PARD3B: variants seen among roughly 807,000 people sequenced by gnomAD.
PARD3B encodes the protein partitioning defective 3 homolog B.
Under a neutral mutation model 130.2 loss-of-function variants are expected in PARD3B, and 103 were observed. The ratio of observed to expected loss-of-function variants is 0.79; its 90% CI spans 0.67 to 0.93. The LOEUF is 0.93. Ranked by LOEUF, PARD3B falls within the 40% of genes least tolerant of loss-of-function variation. The pLI, the probability that PARD3B is intolerant of heterozygous loss-of-function variation, is 0.00. For synonymous variants in PARD3B, 583 were observed against 553.2 expected, an observed-to-expected ratio of 1.05 and a Z score of -0.76; for missense variants, 1,609 against 1,499.2, an observed-to-expected ratio of 1.07 and a Z score of -1.21.
At chr2:205,567,504 A>G (rs1290882937) in intron 22 of PARD3B, among the ~76,000 whole-genome samples, 1 of 39,654 alleles carries the variant, frequency 2.5e-5, no homozygotes, top group African/African-American at 8.9e-5. Context: ...TTGTATTTTT[A>G]GTGGAGACAG....
chr2:205,378,196 C>T (rs1410078552), intron 18 of PARD3B, among the ~76,000 whole-genome samples: 1 of 152,202 alleles, frequency 6.6e-6, no homozygotes, highest in Admixed American at 6.5e-5. Context: ...GTCCACCACC[C>T]TCTCACAGTT....
rs916200576 is a variant in PARD3B, at chr2:205,590,704, C to G, written c.3261-24752C>G. On this transcript the variant is annotated intron_variant, in intron 22 of 22. Transcript: ENST00000406610. This position sits in a 1 kb window ranked among gnomAD's most constrained non-coding sequence, Gnocchi z 4.1. ...CAGCAACTTTCTTCCACTGTCTCAA[C>G]TCGGATCACAAGGGAAGAAGGAAAG... 1.3e-5 allele frequency among the ~76,000 whole-genome samples: 2 copies of G among 152,098 alleles called. No homozygotes were observed. The highest frequency in any genetic ancestry group is 2.4e-5 in the African/African-American group (1 of 41,414).
chr2:205,037,973 G>A (rs1698128548), intron 3 of PARD3B, among the ~76,000 whole-genome samples: 1 of 152,072 alleles, frequency 6.6e-6, no homozygotes, highest in Non-Finnish European at 1.5e-5. Flanking sequence ...ATCTGCATCT[G>A]GGCATTCCAA....
chr2:205,303,378 G>A (rs1471318781), intron 18 of PARD3B, among the ~76,000 whole-genome samples: 3 of 152,230 alleles, frequency 2.0e-5, no homozygotes, highest in Admixed American at 1.3e-4. Flanking sequence ...AGTCACTAAT[G>A]TAGGTGATTT....
chr2:205,419,724 G>A (rs1393613885), intron 19 of PARD3B, among the ~76,000 whole-genome samples: 2 of 152,316 alleles, frequency 1.3e-5, no homozygotes, highest in East Asian at 3.9e-4. Context: ...GGAAAGGGGA[G>A]AATCAGGAAG....
intron 18 of PARD3B, among the ~76,000 whole-genome samples, chr2:205,383,757 T>C (rs2045565652): frequency 1.3e-5 from 2 of 152,044 alleles, no homozygotes; most frequent in African/African-American, 4.8e-5. Context: ...CTGGTTTCCA[T>C]CTCTGTGGTT....
At position 204,907,626 on chromosome 2, in the gene PARD3B, C is replaced by G. The variant is rs2047083647; in HGVS notation, c.223-57526C>G. On this transcript the variant is annotated intron_variant, in intron 2 of 22. Coordinates refer to ENST00000406610, the MANE Select transcript of PARD3B (RefSeq NM_001302769.2). This position sits in a 1 kb window ranked among gnomAD's most constrained non-coding sequence, Gnocchi z 5.7. ...TCAGTGTTTGGTCATAAAATTGTGTCTCTTTATAGATATTATAAGACTTTC... is the reference window on the plus strand; with the variant it reads ...TCAGTGTTTGGTCATAAAATTGTGTGTCTTTATAGATATTATAAGACTTTC... Among the ~76,000 whole-genome samples, 1 of 152,056 alleles carries G rather than the reference C, an allele frequency of 6.6e-6. No individual in the cohort carries two copies. Among genetic ancestry groups the G allele is most frequent in the Non-Finnish European group, 1.5e-5 (1 of 68,016 alleles).
intron 10 of PARD3B, among the ~76,000 whole-genome samples, chr2:205,133,415 T>G (rs2032193025): frequency 6.6e-6 from 1 of 152,196 alleles, no homozygotes; most frequent in African/African-American, 2.4e-5. Context: ...GCATGCAGAT[T>G]GCCAGGCTCC....
intron 1 of PARD3B, among the ~76,000 whole-genome samples, chr2:204,644,854 C>A (rs1011698713): frequency 1.3e-5 from 2 of 151,968 alleles, no homozygotes; most frequent in African/African-American, 4.8e-5. Flanking sequence ...AAAATTCCTC[C>A]CCAGAGAGCT....
intron 15 of PARD3B, among the ~76,000 whole-genome samples, chr2:205,224,838 A>C (rs1222571229): frequency 6.6e-6 from 1 of 152,060 alleles, no homozygotes; most frequent in Non-Finnish European, 1.5e-5. Flanking sequence ...AAAAAGAAAG[A>C]GATAATTATT....
At chr2:205,610,870 T>G (rs1051444851) in intron 22 of PARD3B, among the ~76,000 whole-genome samples, 1 of 152,160 alleles carries the variant, frequency 6.6e-6, no homozygotes, top group Non-Finnish European at 1.5e-5. Context: ...TCTTTTCCCC[T>G]ACCTTCCTCC....
intron 3 of PARD3B, among the ~76,000 whole-genome samples, chr2:204,987,601 G>C (rs780591491): frequency 6.6e-6 from 1 of 152,132 alleles, no homozygotes; most frequent in Non-Finnish European, 1.5e-5. Context: ...CTGGTGTGTA[G>C]TGGTCAGTCA....
intron 1 of PARD3B, among the ~76,000 whole-genome samples, chr2:204,564,491 G>A (rs991896306): frequency 3.9e-5 from 6 of 151,988 alleles, no homozygotes; most frequent in African/African-American, 1.2e-4. Context: ...CTGAGGGAAC[G>A]TTTCATGTGC....
rs748680900 is a variant in PARD3B, at chr2:205,230,966, A to G, written c.2141-14812A>G. Among the ~76,000 whole-genome samples, 1 of 152,034 alleles carries G rather than the reference A, an allele frequency of 6.6e-6. No individual in the cohort carries two copies. Among genetic ancestry groups the G allele is most frequent in the Non-Finnish European group, 1.5e-5 (1 of 68,010 alleles). ...CCAATCACTATGCTCTCCCTCCCCA[A>G]GGTGCACAGATTCTGTCTGTACCAT... On this transcript the variant is annotated intron_variant, in intron 15 of 22. Transcript: ENST00000406610. This position sits in a 1 kb window ranked among gnomAD's most constrained non-coding sequence, Gnocchi z 4.1.
At chr2:205,087,751 A>G (rs141532867) in intron 4 of PARD3B, among the ~76,000 whole-genome samples, 88 of 152,316 alleles carry the variant, frequency 5.8e-4, no homozygotes, top group African/African-American at 2.1e-3. Flanking sequence ...CATCCGTGTT[A>G]GTATTAGGCA....
At chr2:204,852,487 A>G (rs1004726300) in intron 2 of PARD3B, among the ~76,000 whole-genome samples, 4 of 151,856 alleles carry the variant, frequency 2.6e-5, no homozygotes, top group Admixed American at 6.6e-5. Context: ...TTTTTTCCCA[A>G]TGCAAATCAG....
intron 3 of PARD3B, among the ~76,000 whole-genome samples, chr2:205,022,241 G>C (rs1461460594): frequency 1.3e-5 from 2 of 152,146 alleles, no homozygotes; most frequent in African/African-American, 4.8e-5. Flanking sequence ...TACTATGCCA[G>C]TATCTTCTCT....
At chr2:205,503,280 T>C (rs1355888466) in intron 21 of PARD3B, among the ~76,000 whole-genome samples, 1 of 152,154 alleles carries the variant, frequency 6.6e-6, no homozygotes, top group African/African-American at 2.4e-5. Context: ...TTAGCTTCTA[T>C]ATGTACTGAG....
chr2:205,387,919 T>C (rs980606640), intron 18 of PARD3B, among the ~76,000 whole-genome samples: 2 of 152,180 alleles, frequency 1.3e-5, no homozygotes, highest in African/African-American at 4.8e-5. Context: ...TATGGCAGAT[T>C]ATGAGACACC....
Sources: allele counts gnomAD v4.1 joint callset (sites outside exome capture counted in the v4.1 genomes callset), GRCh38; gene constraint gnomAD v4.1.1; non-coding constraint Gnocchi (gnomAD v3.1); transcripts MANE v1.5; gene names NCBI Gene and HGNC (gene_info 2026-07-23, HGNC 2026-07-21).